Variants in SHC3 observed in about 807,000 individuals in gnomAD.
SHC3 encodes SHC-transforming protein 3.
Under a neutral mutation model 60.4 loss-of-function variants are expected in SHC3, and 15 were observed. The observed-to-expected ratio is 0.25, with a 90% CI of 0.17 to 0.38. The LOEUF (loss-of-function observed/expected upper bound fraction) is 0.38. Among genes scored for constraint, SHC3 ranks in the 10% least tolerant of loss-of-function variants. SHC3 has a pLI of 1.00. For missense variants in SHC3, 677 were observed against 786.1 expected, an observed-to-expected ratio of 0.86 and a Z score of 1.66; for synonymous variants, 294 against 325.9, an observed-to-expected ratio of 0.90 and a Z score of 1.05.
intron 6 of SHC3, among the ~76,000 whole-genome samples, chr9:89,053,763 C>A (rs947626791): frequency 3.3e-5 from 5 of 152,132 alleles, no homozygotes; most frequent in African/African-American, 1.2e-4. Context: ...CTAAGCATTG[C>A]CCCCAGGTAG....
chr9:89,065,580 C>T lies in SHC3; in HGVS notation c.784G>A (p.Asp262Asn), dbSNP rs1424524095. Residue 262 changes from aspartate to asparagine, a missense_variant and splice_region_variant, in exon 6 of 12, where the codon GAC (aspartate) becomes AAC (asparagine). Asp to Asn is a conservative substitution (Grantham distance 23, BLOSUM62 1). Coordinates refer to ENST00000375835, the MANE Select transcript of SHC3 (RefSeq NM_016848.6). ...ACATATGCAACATAGTCAGTTGTGT[C>T]CTGTTAAAGAAAAAAGAGATGTCTA... Reference protein sequence around the residue: ...SISFASGGDPDTTDYVAYVAK... With the variant: ...SISFASGGDPNTTDYVAYVAK... 1 of 1,613,892 alleles carries T rather than the reference C, an allele frequency of 6.2e-7. No homozygotes were observed. Among genetic ancestry groups the T allele is most frequent in the East Asian group, 2.2e-5 (1 of 44,880 alleles).
At chr9:89,165,526 C>CAAAAAA (rs35567194) in intron 1 of SHC3, among the ~76,000 whole-genome samples, 1 of 121,174 alleles carries the variant, frequency 8.3e-6, no homozygotes, top group Non-Finnish European at 1.7e-5. Context: ...ATCATCAAGG[C>CAAAAAA]AAAAAAAAAA....
intron 2 of SHC3, among the ~76,000 whole-genome samples, chr9:89,106,685 C>T (rs2118096467): frequency 1.3e-5 from 2 of 152,286 alleles, no homozygotes; most frequent in Admixed American, 1.3e-4. Context: ...CCACCCCTGC[C>T]ACTGCTCCCT....
intron 6 of SHC3, among the ~76,000 whole-genome samples, chr9:89,061,010 G>C (rs1825080618): frequency 6.6e-6 from 1 of 152,136 alleles, no homozygotes; most frequent in African/African-American, 2.4e-5. Flanking sequence ...CCCAAGTGGA[G>C]ACACAGAGCT....
intron 1 of SHC3, among the ~76,000 whole-genome samples, chr9:89,132,946 A>G (rs1826268677): frequency 6.6e-6 from 1 of 152,212 alleles, no homozygotes; most frequent in South Asian, 2.1e-4. Context: ...GCACAGCAAA[A>G]GAAACTACCA....
At position 89,098,808 on chromosome 9, in the gene SHC3, C is replaced by T. The variant is rs190856495; in HGVS notation, c.545+13748G>A. On this transcript the variant is annotated intron_variant, in intron 2 of 11. Transcript: ENST00000375835. ...CGTGGGTGAGAATGAGACCCCATCT[C>T]AAAAAAAAAAAAAATTAACCAGGCA... 5.4e-5 allele frequency among the ~76,000 whole-genome samples: 7 copies of T among 130,690 alleles called. No individual in the cohort carries two copies. The East Asian group carries it at 1.6e-3, about 29-fold the overall frequency. 85.7% of individuals were successfully genotyped at this position (130,690 alleles called of 152,430 possible).
rs34117028 is a variant in SHC3, at chr9:89,140,335, T to TCC, written c.475-27711_475-27710dup. Among the ~76,000 whole-genome samples, 6 of 147,862 alleles carry TCC rather than the reference T, an allele frequency of 4.1e-5. No homozygotes were observed. The South Asian group carries it at 8.7e-4, about 21-fold the overall frequency. ...AGGGACAGCTGGAAGGCAAACAGAT[T>TCC]CCCCCCCCCAGATTAAGGGTCCTGC... On this transcript the variant is annotated intron_variant, in intron 1 of 11. Transcript: ENST00000375835.
chr9:89,097,981 TC>T (rs1394913678), intron 2 of SHC3, among the ~76,000 whole-genome samples: 5 of 152,176 alleles, frequency 3.3e-5, no homozygotes, highest in Admixed American at 1.3e-4. Flanking sequence ...AAATAAACCA[TC>T]TTAATTAAAT....
intron 6 of SHC3, among the ~76,000 whole-genome samples, chr9:89,052,773 C>A (rs777679407): frequency 6.6e-6 from 1 of 152,174 alleles, no homozygotes; most frequent in African/African-American, 2.4e-5. Flanking sequence ...ACACATGCAT[C>A]TACGTAAATT....
At chr9:89,036,569 G>C (rs528917164) in intron 11 of SHC3, among the ~76,000 whole-genome samples, 1 of 152,288 alleles carries the variant, frequency 6.6e-6, no homozygotes, top group African/African-American at 2.4e-5. Flanking sequence ...CTTCTCAAGA[G>C]AGCTCAGTAA....
chr9:89,101,125 C>A (rs539130658), intron 2 of SHC3, among the ~76,000 whole-genome samples: 25 of 152,124 alleles, frequency 1.6e-4, no homozygotes, highest in Non-Finnish European at 3.4e-4. Context: ...ATAAATCTTA[C>A]ACATATTTTG....
rs551085481 is a variant in SHC3 at position 89,124,234 on chromosome 9, T to A, written c.475-11608A>T. Among the ~76,000 whole-genome samples the A allele has an allele frequency of 3.3e-5, 5 of 152,336 alleles. No individual in the cohort carries two copies. The South Asian group carries it at 1.0e-3, about 32-fold the overall frequency. The stretch of plus-strand genomic sequence containing the variant: ...TGGAGAAATAGGAACACTTTCACAC[T>A]GTTGGTAGGAGTGTAAATTAGTTCA... On this transcript the variant is annotated intron_variant, in intron 1 of 11. Transcript: ENST00000375835.
At chr9:89,112,339 G>C (rs540316649) in intron 2 of SHC3, among the ~76,000 whole-genome samples, 1 of 152,264 alleles carries the variant, frequency 6.6e-6, no homozygotes, top group East Asian at 1.9e-4. Flanking sequence ...AGCGTGCAAG[G>C]GCAGAGTGTC....
intron 1 of SHC3, 80 bp downstream of exon 1, chr9:89,177,907 G>A: frequency 5.3e-6 from 6 of 1,141,288 alleles, no homozygotes; most frequent in Non-Finnish European, 6.5e-6. Flanking sequence ...CCCGCACCCC[G>A]GGCTTCAGGG....
chr9:89,040,013 C>A (rs796986163), intron 10 of SHC3, among the ~76,000 whole-genome samples: 2 of 146,672 alleles, frequency 1.4e-5, no homozygotes, highest in East Asian at 2.1e-4. Flanking sequence ...GCCACCACCA[C>A]CACCACCACC....
At chr9:89,163,410 A>C (rs1826740176) in intron 1 of SHC3, among the ~76,000 whole-genome samples, 1 of 152,016 alleles carries the variant, frequency 6.6e-6, no homozygotes, top group African/African-American at 2.4e-5. Context: ...AATACTATGA[A>C]GCCATAAAAA....
At chr9:89,115,515 T>C (rs1002972214) in intron 1 of SHC3, among the ~76,000 whole-genome samples, 1 of 152,130 alleles carries the variant, frequency 6.6e-6, no homozygotes, top group African/African-American at 2.4e-5. Flanking sequence ...CTGCCACCAA[T>C]AGAGAATTAT....
chr9:89,039,721 T>A (rs561277474), intron 10 of SHC3, among the ~76,000 whole-genome samples: 21 of 149,214 alleles, frequency 1.4e-4, no homozygotes, highest in African/African-American at 5.2e-4. Context: ...TCACTGTCAC[T>A]ACCAGCAACA....
At chr9:89,097,107 A>G (rs1429038019) in intron 2 of SHC3, among the ~76,000 whole-genome samples, 4 of 1,920 alleles carry the variant, frequency 2.1e-3, no homozygotes, top group African/African-American at 0.014. Flanking sequence ...CGCTCTCATG[A>G]AAAAAAAAAA....
Sources: gnomAD v4.1 joint callset for allele counts (sites outside exome capture counted in the v4.1 genomes callset) on GRCh38, gnomAD v4.1.1 for gene constraint, MANE v1.5 for transcripts, NCBI Gene and HGNC (gene_info 2026-07-23, HGNC 2026-07-21) for gene names.